Variants in GRIK3 observed in about 807,000 individuals in gnomAD.
GRIK3 encodes glutamate ionotropic receptor kainate type subunit 3.
Under a neutral mutation model 102.5 loss-of-function variants are expected in GRIK3, and 29 were observed. The observed-to-expected ratio is 0.28, with a 90% CI of 0.21 to 0.39. GRIK3 has a LOEUF of 0.39. Among genes scored for constraint, GRIK3 ranks in the 10% least tolerant of loss-of-function variants. The pLI is 1.00. For synonymous variants in GRIK3, 511 were observed against 504.9 expected (o/e 1.01, Z -0.16); for missense variants, 908 against 1,252.4 (o/e 0.73, Z 4.15).
chr1:37,010,593 C>T (rs556617999), intron 1 of GRIK3, among the ~76,000 whole-genome samples: 23 of 152,278 alleles, frequency 1.5e-4, no homozygotes, highest in East Asian at 1.4e-3. Context: ...CAGGATTACC[C>T]CAGCAGTCTC....
chr1:36,931,577 T>G (rs1641589609), intron 1 of GRIK3, among the ~76,000 whole-genome samples: 1 of 152,210 alleles, frequency 6.6e-6, no homozygotes, highest in Non-Finnish European at 1.5e-5. Flanking sequence ...ATTTCCCCAG[T>G]CTGTATTGAG....
rs555287671 is a variant in GRIK3, at chr1:36,935,459, C to T, written c.116-44363G>A. On this transcript the variant is annotated intron_variant, in intron 1 of 15. Coordinates refer to ENST00000373091, the MANE Select transcript of GRIK3 (RefSeq NM_000831.4). The stretch of plus-strand genomic sequence containing the variant: ...TGGATTACCATTGTCCTATTCAGGC[C>T]GGGAGTCCTCTGAATCTGGGATAAC... Among the ~76,000 whole-genome samples, 9 of 152,156 alleles carry T rather than the reference C, an allele frequency of 5.9e-5. 1 individual carries two copies. In the East Asian group the frequency reaches 7.8e-4, roughly 13 times the overall value.
chr1:37,029,946 C>G (rs969498552), intron 1 of GRIK3, among the ~76,000 whole-genome samples: 2 of 152,204 alleles, frequency 1.3e-5, no homozygotes, highest in African/African-American at 4.8e-5. Flanking sequence ...CTAGTGAGGC[C>G]AGGGTGCCTG....
At chr1:36,921,923 T>A (rs894594803) in intron 1 of GRIK3, among the ~76,000 whole-genome samples, 1 of 152,038 alleles carries the variant, frequency 6.6e-6, no homozygotes, top group African/African-American at 2.4e-5. Context: ...CTCCCACCTC[T>A]CTCCTTTCCC....
intron 5 of GRIK3, among the ~76,000 whole-genome samples, chr1:36,861,096 T>C (rs571891712): frequency 7.2e-5 from 11 of 152,230 alleles, no homozygotes; most frequent in Non-Finnish European, 1.6e-4. Context: ...TCTTAGTCTA[T>C]GCTCCCCGCA....
At chr1:36,805,359 C>T in intron 14 of GRIK3, 122 bp from the exon 15 acceptor site, 1 of 987,870 alleles carries the variant, frequency 1.0e-6, no homozygotes, top group Non-Finnish European at 1.5e-6. Context: ...GAAAGGGGGT[C>T]CCTATCCCTG....
chr1:36,821,171 A>C (rs1483691000), intron 11 of GRIK3, among the ~76,000 whole-genome samples: 1 of 152,250 alleles, frequency 6.6e-6, no homozygotes, highest in Non-Finnish European at 1.5e-5. Context: ...ACCAGTGGTC[A>C]TGTGGAAAGA....
chr1:36,842,753 TCTG>T (rs1640472161), intron 9 of GRIK3, among the ~76,000 whole-genome samples: 1 of 152,172 alleles, frequency 6.6e-6, no homozygotes, highest in Admixed American at 6.5e-5. Flanking sequence ...ATGTCAGCCC[TCTG>T]GGGTGGGTAT....
At chr1:36,864,387 G>A (rs570816061) in intron 5 of GRIK3, among the ~76,000 whole-genome samples, 75 of 152,288 alleles carry the variant, frequency 4.9e-4, no homozygotes, top group African/African-American at 1.8e-3. Flanking sequence ...TACAGGGGGC[G>A]CCCTCCTCAC....
At chr1:36,979,021 C>T (rs933660905) in intron 1 of GRIK3, among the ~76,000 whole-genome samples, 1 of 152,162 alleles carries the variant, frequency 6.6e-6, no homozygotes, top group Non-Finnish European at 1.5e-5. Flanking sequence ...ATTGGAAGAC[C>T]AAGGTAGGCT....
chr1:36,898,697 C>A (rs1234464083), intron 1 of GRIK3, among the ~76,000 whole-genome samples: 1 of 151,986 alleles, frequency 6.6e-6, no homozygotes, highest in East Asian at 1.9e-4. Flanking sequence ...AATAGAAAAA[C>A]CAATCCTAAA....
At chr1:37,008,678 C>T (rs1360048980) in intron 1 of GRIK3, among the ~76,000 whole-genome samples, 1 of 152,174 alleles carries the variant, frequency 6.6e-6, no homozygotes, top group African/African-American at 2.4e-5. Flanking sequence ...CCCTGGAGAG[C>T]TCCATGCACT....
At chr1:36,949,208 T>G (rs1178352054) in intron 1 of GRIK3, among the ~76,000 whole-genome samples, 3 of 152,212 alleles carry the variant, frequency 2.0e-5, no homozygotes, top group African/African-American at 4.8e-5. Flanking sequence ...GGTTCCTTTC[T>G]CAACTTCATC....
At chr1:37,033,964 C>A (rs1403001772) in intron 1 of GRIK3, 30 bp downstream of exon 1, 1 of 1,333,346 alleles carries the variant, frequency 7.5e-7, no homozygotes, top group Non-Finnish European at 1.1e-6. Context: ...CCCGGGCGCA[C>A]GGAGACCCCC....
chr1:36,883,105 C>A (rs555829725), intron 2 of GRIK3, among the ~76,000 whole-genome samples: 2 of 152,296 alleles, frequency 1.3e-5, no homozygotes, highest in East Asian at 3.9e-4. Context: ...CTGGGAATGA[C>A]CCACTGGGCA....
chr1:36,845,871 G>T (rs1231474176), intron 9 of GRIK3, among the ~76,000 whole-genome samples: 1 of 152,188 alleles, frequency 6.6e-6, no homozygotes, highest in Non-Finnish European at 1.5e-5. Flanking sequence ...CTCTCCTGCT[G>T]CTGGGTGCTG....
intron 1 of GRIK3, among the ~76,000 whole-genome samples, chr1:36,950,469 T>G (rs554055969): frequency 6.6e-6 from 1 of 152,360 alleles, no homozygotes; most frequent in African/African-American, 2.4e-5. Flanking sequence ...CCTAACAGAT[T>G]GGCAGTTAGG....
chr1:36,934,199 T>G (rs2124316789), intron 1 of GRIK3, among the ~76,000 whole-genome samples: 1 of 152,274 alleles, frequency 6.6e-6, no homozygotes, highest in Middle Eastern at 3.4e-3. Context: ...ATTTTCTGGG[T>G]GAGAGTCTGT....
Position 36,872,385 on chromosome 1 carries a change from G to A in GRIK3, c.551-16C>T, listed in dbSNP as rs756934641. 3.2e-6 allele frequency: 5 copies of A among 1,565,902 alleles called. No individual in the cohort carries two copies. In the East Asian group the frequency reaches 9.2e-5, roughly 29 times the overall value. On this transcript the variant is annotated splice_polypyrimidine_tract_variant and intron_variant, in intron 3 of 15. Coordinates refer to ENST00000373091, the MANE Select transcript of GRIK3 (RefSeq NM_000831.4). This position sits in a 1 kb window ranked among gnomAD's most constrained non-coding sequence, Gnocchi z 5.9. ...CGGATGAGCCCTGAGGGGCCATGGA[G>A]CACAAAAGACACACGTGTACCACAT...
Sources: allele counts gnomAD v4.1 joint callset (sites outside exome capture counted in the v4.1 genomes callset), GRCh38; gene constraint gnomAD v4.1.1; non-coding constraint Gnocchi (gnomAD v3.1); transcripts MANE v1.5; gene names NCBI Gene and HGNC (gene_info 2026-07-23, HGNC 2026-07-21).